DPP10: variants seen among roughly 807,000 people sequenced by gnomAD.
DPP10 encodes inactive dipeptidyl peptidase 10.
In DPP10, 33 loss-of-function variants were observed where a neutral mutation model predicts 120.9. The ratio of observed to expected loss-of-function variants is 0.27; its 90% CI spans 0.21 to 0.37. The LOEUF is 0.37. Among genes scored for constraint, DPP10 ranks in the 10% least tolerant of loss-of-function variants. The pLI is 1.00. For missense variants in DPP10, 816 were observed against 942.8 expected, an observed-to-expected ratio of 0.87 and a Z score of 1.76; for synonymous variants, 337 against 326.1, an observed-to-expected ratio of 1.03 and a Z score of -0.36.
At chr2:115,139,250 T>A (rs2050796028) in intron 1 of DPP10, among the ~76,000 whole-genome samples, 1 of 152,196 alleles carries the variant, frequency 6.6e-6, no homozygotes, top group African/African-American at 2.4e-5. Context: ...TCAGGTGACA[T>A]GATGTTTAAA....
At chr2:115,300,256 C>T (rs1290067838) in intron 1 of DPP10, among the ~76,000 whole-genome samples, 1 of 152,006 alleles carries the variant, frequency 6.6e-6, no homozygotes, top group Non-Finnish European at 1.5e-5. Flanking sequence ...CTAACAACTA[C>T]CATTCTGCCT....
chr2:114,990,178 T>C (rs1412715733), intron 1 of DPP10, among the ~76,000 whole-genome samples: 1 of 152,194 alleles, frequency 6.6e-6, no homozygotes. Flanking sequence ...TACAGTCTTA[T>C]ATAAAGAAAC....
chr2:115,003,254 C>A (rs1369849949), intron 1 of DPP10, among the ~76,000 whole-genome samples: 1 of 147,592 alleles, frequency 6.8e-6, no homozygotes, highest in Non-Finnish European at 1.5e-5. Context: ...CCCAGGCAAA[C>A]AAACAAAGGA....
chr2:115,838,888 A>T (rs558867792), intron 24 of DPP10, among the ~76,000 whole-genome samples: 1 of 152,204 alleles, frequency 6.6e-6, no homozygotes, highest in Non-Finnish European at 1.5e-5. Flanking sequence ...CTGTAACACC[A>T]CTACTATTAA....
At chr2:115,277,402 C>T (rs751498151) in intron 1 of DPP10, among the ~76,000 whole-genome samples, 11 of 137,628 alleles carry the variant, frequency 8.0e-5, no homozygotes, top group Non-Finnish European at 1.4e-4. Context: ...TTGGAGATTA[C>T]TCTAGGGATC....
intron 13 of DPP10, among the ~76,000 whole-genome samples, chr2:115,769,067 A>C (rs1172650683): frequency 6.6e-6 from 1 of 152,024 alleles, no homozygotes; most frequent in African/African-American, 2.4e-5. Context: ...AGTTAGTTTA[A>C]ATTTGACAAG....
At chr2:114,550,878 A>G (rs962414499) in intron 1 of DPP10, among the ~76,000 whole-genome samples, 3 of 152,170 alleles carry the variant, frequency 2.0e-5, no homozygotes, top group Admixed American at 1.3e-4. Context: ...ATGGTCTTTC[A>G]ATTCTTGTCT....
At chr2:114,558,283 CAA>C (rs1478787593) in intron 1 of DPP10, among the ~76,000 whole-genome samples, 21 of 152,304 alleles carry the variant, frequency 1.4e-4, no homozygotes, top group African/African-American at 4.8e-4. Flanking sequence ...AAATTGTCAT[CAA>C]AATTCATGAC....
chr2:115,164,029 G>A (rs2052641340), intron 1 of DPP10, among the ~76,000 whole-genome samples: 2 of 152,060 alleles, frequency 1.3e-5, no homozygotes, highest in Non-Finnish European at 1.5e-5. Flanking sequence ...TTCAGGGAGT[G>A]GCTACTTTGC....
chr2:115,464,835 C>T (rs1049391738), intron 3 of DPP10, among the ~76,000 whole-genome samples: 1 of 152,230 alleles, frequency 6.6e-6, no homozygotes, highest in East Asian at 1.9e-4. Flanking sequence ...AACCCTCCAA[C>T]GTGCAGAGAC....
chr2:115,314,686 G>A (rs1454229679), intron 2 of DPP10, among the ~76,000 whole-genome samples: 1 of 151,976 alleles, frequency 6.6e-6, no homozygotes, highest in Non-Finnish European at 1.5e-5. Flanking sequence ...GGCCATGTTG[G>A]GTAATAACTT....
chr2:115,776,017 A>G (rs1682053662), intron 13 of DPP10, among the ~76,000 whole-genome samples: 1 of 152,188 alleles, frequency 6.6e-6, no homozygotes, highest in South Asian at 2.1e-4. Flanking sequence ...GGCACTTGCC[A>G]AAAGCTTTAT....
At chr2:115,358,532 A>G (rs959076409) in intron 3 of DPP10, among the ~76,000 whole-genome samples, 2 of 152,016 alleles carry the variant, frequency 1.3e-5, no homozygotes, top group African/African-American at 4.8e-5. Context: ...GGAAGTTCCA[A>G]ACTTTCCCAC....
intron 1 of DPP10, chr2:115,234,415 G>A (rs1256338534): frequency 1.9e-5 from 3 of 155,144 alleles, no homozygotes; most frequent in African/African-American, 7.2e-5. Context: ...TGCTGTAGAA[G>A]GTAAAGACTA....
At chr2:115,750,058 G>A in intron 10 of DPP10, 11 of 985,342 alleles carry the variant, frequency 1.1e-5, no homozygotes, top group Non-Finnish European at 1.3e-5. Flanking sequence ...GAACAAGCAG[G>A]AAACCCAGTT....
chr2:115,146,949 T>C (rs554870016), intron 1 of DPP10, among the ~76,000 whole-genome samples: 15 of 152,176 alleles, frequency 9.9e-5, no homozygotes, highest in African/African-American at 3.1e-4. Context: ...TCATTTTCTG[T>C]TTTTTATAAG....
At chr2:115,562,852 GA>G (rs2080772491) in intron 5 of DPP10, among the ~76,000 whole-genome samples, 1 of 152,154 alleles carries the variant, frequency 6.6e-6, no homozygotes, top group African/African-American at 2.4e-5. Flanking sequence ...CATAGCCAAG[GA>G]AGTTCCATAG....
chr2:115,244,943 AC>A (rs2058465965), intron 1 of DPP10, among the ~76,000 whole-genome samples: 2 of 151,556 alleles, frequency 1.3e-5, no homozygotes, highest in East Asian at 3.9e-4. Context: ...TGTATCTGTC[AC>A]CCAAGAAGTG....
At chr2:114,672,678 T>G (rs1698422156) in intron 1 of DPP10, among the ~76,000 whole-genome samples, 1 of 152,158 alleles carries the variant, frequency 6.6e-6, no homozygotes, top group East Asian at 1.9e-4. Flanking sequence ...TTCTGTACAT[T>G]TTTTTCCTCT....
Sources: gnomAD v4.1 joint callset for allele counts (sites outside exome capture counted in the v4.1 genomes callset) on GRCh38, gnomAD v4.1.1 for gene constraint, MANE v1.5 for transcripts, NCBI Gene and HGNC (gene_info 2026-07-23, HGNC 2026-07-21) for gene names.